Variants in RBFOX1 observed in about 807,000 individuals in gnomAD.
RBFOX1 encodes the protein RNA binding fox-1 homolog 1.
In RBFOX1, 8 loss-of-function variants were observed where a neutral mutation model predicts 57.7. The ratio of observed to expected loss-of-function variants is 0.14; its 90% confidence interval spans 0.08 to 0.25. RBFOX1 has a LOEUF of 0.25. Ranked by LOEUF, RBFOX1 falls within the 10% of genes least tolerant of loss-of-function variation. The probability of loss-of-function intolerance (pLI) is 1.00; values close to 1 mark genes in which losing one functional copy is unlikely to be tolerated. For missense variants in RBFOX1, 611 were observed against 548.5 expected, an observed-to-expected ratio of 1.11 and a Z score of -1.14; for synonymous variants, 326 against 222.4, an observed-to-expected ratio of 1.47 and a Z score of -4.15.
At position 5,412,694 on chromosome 16, in the gene RBFOX1, C is replaced by T. The variant is rs746121293; in HGVS notation, c.220-54522C>T. On this transcript the variant is annotated intron_variant, in intron 1 of 2. Transcript: ENST00000585867. Reference sequence around the variant, plus strand: ...TGCAGGCATTTGCTGATTTATTTCTCGTAACATTCCTCAGAGGAGTCGGAA... The same window carrying T: ...TGCAGGCATTTGCTGATTTATTTCTTGTAACATTCCTCAGAGGAGTCGGAA... Among the ~76,000 whole-genome samples the T allele has an allele frequency of 2.6e-5, 4 of 152,292 alleles. 1 individual carries two copies. Among genetic ancestry groups the T allele is most frequent in the African/African-American group, 7.2e-5 (3 of 41,556 alleles).
chr16:7,253,007 A>G (rs958390548), intron 4 of RBFOX1, among the ~76,000 whole-genome samples: 3 of 152,194 alleles, frequency 2.0e-5, no homozygotes, highest in African/African-American at 4.8e-5. Flanking sequence ...AGCCTCTGAT[A>G]ATAAGCCCTT....
intron 2 of RBFOX1, among the ~76,000 whole-genome samples, chr16:5,584,176 T>A (rs1341587434): frequency 6.6e-6 from 1 of 152,198 alleles, no homozygotes; most frequent in East Asian, 1.9e-4. Flanking sequence ...TTTAGTGTTC[T>A]CCCTTGTGAT....
At chr16:7,482,155 T>C (rs1351794180) in intron 4 of RBFOX1, among the ~76,000 whole-genome samples, 1 of 152,220 alleles carries the variant, frequency 6.6e-6, no homozygotes, top group Non-Finnish European at 1.5e-5. Context: ...TTTTGTAGCA[T>C]CTATTCCATT....
At chr16:7,450,041 T>G (rs961843127) in intron 4 of RBFOX1, among the ~76,000 whole-genome samples, 1 of 152,056 alleles carries the variant, frequency 6.6e-6, no homozygotes, top group Non-Finnish European at 1.5e-5. Context: ...TTTCTGGGTG[T>G]GGATTTCAGA....
chr16:6,871,880 C>A (rs2060947931), intron 3 of RBFOX1, among the ~76,000 whole-genome samples: 1 of 151,084 alleles, frequency 6.6e-6, no homozygotes, highest in African/African-American at 2.4e-5. Context: ...CACTTTGTCA[C>A]AATCCAGGCT....
intron 4 of RBFOX1, among the ~76,000 whole-genome samples, chr16:7,194,113 C>G (rs1275075409): frequency 6.6e-6 from 1 of 152,112 alleles, no homozygotes; most frequent in Non-Finnish European, 1.5e-5. Context: ...TTCCATTACC[C>G]TATTCGTGTC....
At chr16:7,059,825 T>C (rs1057193126) in intron 4 of RBFOX1, among the ~76,000 whole-genome samples, 2 of 152,292 alleles carry the variant, frequency 1.3e-5, no homozygotes, top group Non-Finnish European at 2.9e-5. Context: ...CAGCTGCACT[T>C]TTCATTGTAA....
intron 3 of RBFOX1, among the ~76,000 whole-genome samples, chr16:6,959,653 G>A (rs140451339): frequency 0.014 from 2,058 of 152,226 alleles, 16 homozygotes; most frequent in Middle Eastern, 0.048. Context: ...ATTAAAAGCT[G>A]AGGCTGGGCG....
chr16:6,691,618 A>C (rs1232380202), intron 3 of RBFOX1, among the ~76,000 whole-genome samples: 1 of 152,146 alleles, frequency 6.6e-6, no homozygotes, highest in Admixed American at 6.5e-5. Flanking sequence ...GTGTGCCTCC[A>C]CTGTTTAAGA....
At chr16:6,777,414 G>A (rs77306190) in intron 3 of RBFOX1, among the ~76,000 whole-genome samples, 4,609 of 152,130 alleles carry the variant, frequency 0.03, 227 homozygotes, top group East Asian at 0.23. Flanking sequence ...AATGGAACAG[G>A]GACAAAGAAA....
At chr16:5,614,071 T>G (rs548045442) in intron 3 of RBFOX1, among the ~76,000 whole-genome samples, 1 of 152,320 alleles carries the variant, frequency 6.6e-6, no homozygotes, top group South Asian at 2.1e-4. Context: ...TTTTTCTCGC[T>G]AAGAATGGCC....
At chr16:5,673,642 C>A (rs1026151758) in intron 3 of RBFOX1, among the ~76,000 whole-genome samples, 1 of 152,206 alleles carries the variant, frequency 6.6e-6, no homozygotes, top group Non-Finnish European at 1.5e-5. Context: ...TTGGGGGAAG[C>A]CCACATTGCA....
intron 4 of RBFOX1, among the ~76,000 whole-genome samples, chr16:7,106,984 A>AACACACACACACACACACACAC (rs61104403): frequency 3.4e-5 from 5 of 148,514 alleles, no homozygotes; most frequent in African/African-American, 1.2e-4. Flanking sequence ...ACACAGTTAA[A>AACACACACACACACACACACAC]ACACACACAC....
chr16:6,289,703 T>C (rs1159424581), intron 1 of RBFOX1, among the ~76,000 whole-genome samples: 1 of 152,052 alleles, frequency 6.6e-6, no homozygotes, highest in East Asian at 1.9e-4. Context: ...AATTATAAAA[T>C]GAAAAGGTAA....
At chr16:6,476,287 A>G (rs2095270678) in intron 2 of RBFOX1, among the ~76,000 whole-genome samples, 1 of 152,212 alleles carries the variant, frequency 6.6e-6, no homozygotes, top group Admixed American at 6.5e-5. Context: ...CCGTAGAGAC[A>G]TACACATACA....
chr16:7,034,062 G>A (rs1321018650), intron 3 of RBFOX1, among the ~76,000 whole-genome samples: 2 of 152,202 alleles, frequency 1.3e-5, no homozygotes, highest in African/African-American at 2.4e-5. Flanking sequence ...GGTATGGCAG[G>A]GGATGGGGAC....
rs200710500 is a variant in RBFOX1 at position 5,424,871 on chromosome 16, T to C, written c.220-42345T>C. On this transcript the variant is annotated intron_variant, in intron 1 of 2. Transcript: ENST00000585867. Reference sequence around the variant, plus strand: ...TTTCTCTCTCTCTCTTCTTTCTTTCTTTTTTTTCTTTCTTTCTTTCTTTCT... The same window carrying C: ...TTTCTCTCTCTCTCTTCTTTCTTTCCTTTTTTTCTTTCTTTCTTTCTTTCT... Among the ~76,000 whole-genome samples, 436 of 118,606 alleles carry C rather than the reference T, an allele frequency of 3.7e-3. 10 individuals are homozygous for C. Among genetic ancestry groups the C allele is most frequent in the African/African-American group, 4.8e-3 (138 of 28,510 alleles). The allele number at this position is 118,606 out of a possible 152,430, so 77.8% of individuals were successfully genotyped here. A position where few individuals can be genotyped will look rare whatever the true frequency, so the allele number is the denominator to read the frequency against.
At chr16:6,659,384 A>C (rs1450861672) in intron 3 of RBFOX1, among the ~76,000 whole-genome samples, 1 of 152,094 alleles carries the variant, frequency 6.6e-6, no homozygotes, top group African/African-American at 2.4e-5. Flanking sequence ...GGTCCAATTG[A>C]AGGTGCGATT....
rs556749745 is a variant in RBFOX1 at position 5,797,466 on chromosome 16, G to A, written c.319-69837G>A. Among the ~76,000 whole-genome samples the A allele has an allele frequency of 2.0e-5, 3 of 152,318 alleles. No homozygotes were observed. In the East Asian group the frequency reaches 5.8e-4, roughly 29 times the overall value. On this transcript the variant is annotated intron_variant, in intron 3 of 19. Coordinates refer to the RBFOX1 transcript ENST00000641259. ...GGTGTGTTTCCTTGTTGTTTTGGCT[G>A]TATCTGGCTTCCAGACCCTTAGACA... is the stretch of plus-strand genomic sequence containing the variant.
Sources: allele counts gnomAD v4.1 joint callset (sites outside exome capture counted in the v4.1 genomes callset), GRCh38; gene constraint gnomAD v4.1.1; transcripts MANE v1.5; gene names NCBI Gene and HGNC (gene_info 2026-07-23, HGNC 2026-07-21).